Variants in BFSP2 observed in about 807,000 individuals in gnomAD.
BFSP2 encodes the protein beaded filament structural protein 2.
In BFSP2, 38 loss-of-function variants were observed where a neutral mutation model predicts 44.9. The observed-to-expected ratio is 0.85, with a 90% CI of 0.65 to 1.11. The LOEUF is 1.11. Ranked by LOEUF, BFSP2 falls within the 50% of genes least tolerant of loss-of-function variation. The probability of loss-of-function intolerance (pLI) is 0.00; values close to 1 mark genes in which losing one functional copy is unlikely to be tolerated. For missense variants in BFSP2, 525 were observed against 533.0 expected (o/e 0.99, Z 0.15); for synonymous variants, 197 against 209.9 (o/e 0.94, Z 0.53).
chr3:133,413,706 A>T (rs2073477779), intron 1 of BFSP2, among the ~76,000 whole-genome samples: 1 of 152,074 alleles, frequency 6.6e-6, no homozygotes, highest in African/African-American at 2.4e-5. Context: ...ATTATTCAGC[A>T]GAAACGAGAA....
At position 133,466,848 on chromosome 3, in the gene BFSP2, C is replaced by T. The variant is rs1479627838; in HGVS notation, c.912C>T (p.His304=). The change falls in exon 5 of 7, where the codon CAC becomes CAT. Residue 304 remains histidine (H), a synonymous_variant. Transcript: ENST00000302334. ...LQAKQQAEVA[H]MSQTQEEKLA... is the part of the protein sequence containing the mutation. ...CACAGCAACAGGCGGAGGTGGCCCA[C>T]ATGTCCCAGACCCAGGAGGAGAAGC... 6.2e-6 allele frequency: 10 copies of T among 1,613,794 alleles called. No homozygotes were observed. Among genetic ancestry groups the T allele is most frequent in the Non-Finnish European group, 7.6e-6 (9 of 1,179,962 alleles).
chr3:133,415,843 A>ACCCCTGCCCTCTCCCCTCTACTCC (rs2073520322), intron 1 of BFSP2, among the ~76,000 whole-genome samples: 1 of 89,524 alleles, frequency 1.1e-5, no homozygotes, highest in African/African-American at 4.6e-5. Context: ...CCCTCTACTC[A>ACCCCTGCCCTCTCCCCTCTACTCC]CCCCTGCCCT....
At chr3:133,450,513 C>T (rs753516071) in intron 4 of BFSP2, 49 bp downstream of exon 4, 2 of 1,606,616 alleles carry the variant, frequency 1.2e-6, no homozygotes, top group Non-Finnish European at 1.7e-6. Context: ...CAGAAGGAGG[C>T]CACGCTGAGC....
intron 4 of BFSP2, among the ~76,000 whole-genome samples, chr3:133,460,896 C>CGAGT (rs2074056354): frequency 6.6e-6 from 1 of 152,238 alleles, no homozygotes; most frequent in Non-Finnish European, 1.5e-5. Context: ...CCAGAGTGCT[C>CGAGT]GAGTGACTTG....
At chr3:133,409,089 T>C (rs944837039) in intron 1 of BFSP2, among the ~76,000 whole-genome samples, 1 of 152,262 alleles carries the variant, frequency 6.6e-6, no homozygotes, top group Non-Finnish European at 1.5e-5. Context: ...GAAGAAGAAC[T>C]ATTCCAAGTG....
chr3:133,453,530 C>A (rs2078262), intron 4 of BFSP2, among the ~76,000 whole-genome samples: 47,525 of 152,068 alleles, frequency 0.31, 8,080 homozygotes, highest in African/African-American at 0.46. Flanking sequence ...CAAAGAATGC[C>A]TAATCAAACC....
At chr3:133,453,721 C>A (rs1257827102) in intron 4 of BFSP2, among the ~76,000 whole-genome samples, 1 of 152,180 alleles carries the variant, frequency 6.6e-6, no homozygotes, top group Non-Finnish European at 1.5e-5. Context: ...CAAAAAGATG[C>A]AGAATCTGGC....
chr3:133,404,308 C>G (rs1559955582), intron 1 of BFSP2, among the ~76,000 whole-genome samples: 1 of 152,152 alleles, frequency 6.6e-6, no homozygotes. Context: ...CTCTGTCTCC[C>G]TACAACAGGT....
At chr3:133,464,573 C>T (rs2074092167) in intron 4 of BFSP2, among the ~76,000 whole-genome samples, 1 of 152,122 alleles carries the variant, frequency 6.6e-6, no homozygotes, top group Non-Finnish European at 1.5e-5. Context: ...TTCATAGTAG[C>T]ATTTAACTAT....
intron 1 of BFSP2, among the ~76,000 whole-genome samples, chr3:133,407,334 T>C (rs888877069): frequency 7.9e-5 from 12 of 152,220 alleles, no homozygotes; most frequent in Non-Finnish European, 1.2e-4. Flanking sequence ...CCAAAGTCTA[T>C]ATTAGACAAC....
At chr3:133,447,961 T>C (rs1408768259) in intron 2 of BFSP2, among the ~76,000 whole-genome samples, 1 of 152,212 alleles carries the variant, frequency 6.6e-6, no homozygotes, top group Non-Finnish European at 1.5e-5. Context: ...TGACTTAATG[T>C]GCATCCAGGC....
chr3:133,460,494 G>A (rs761403303), intron 4 of BFSP2, among the ~76,000 whole-genome samples: 59 of 152,326 alleles, frequency 3.9e-4, no homozygotes, highest in Middle Eastern at 3.4e-3. Context: ...CTGGCCTCAA[G>A]CAATCTTTCT....
intron 1 of BFSP2, among the ~76,000 whole-genome samples, chr3:133,427,705 C>T (rs73211865): frequency 3.3e-5 from 5 of 152,174 alleles, no homozygotes; most frequent in Non-Finnish European, 7.3e-5. Context: ...CTGTCCATTA[C>T]GTCCCACTGG....
rs2074175378 is a variant in BFSP2 at position 133,472,573 on chromosome 3, T to C, written c.1244+8T>C. Reference sequence around the variant, plus strand: ...GGACAGGGAGGAGAGCGGGTAAGCCTCGCTTCCGCGTCAATTATCCAAGAG... The same window carrying C: ...GGACAGGGAGGAGAGCGGGTAAGCCCCGCTTCCGCGTCAATTATCCAAGAG... On this transcript the variant is annotated splice_region_variant and intron_variant, in intron 6 of 6. Coordinates refer to ENST00000302334, the MANE Select transcript of BFSP2 (RefSeq NM_003571.4). 1.2e-6 allele frequency: 2 copies of C among 1,610,396 alleles called. No homozygotes were observed. Among genetic ancestry groups the C allele is most frequent in the Admixed American group, 1.7e-5 (1 of 59,660 alleles).
At chr3:133,417,651 T>C (rs1199605465) in intron 1 of BFSP2, among the ~76,000 whole-genome samples, 91 of 83,680 alleles carry the variant, frequency 1.1e-3, no homozygotes, top group East Asian at 1.2e-3. Flanking sequence ...CTTGTCCTCT[T>C]CCCTCTACTC....
chr3:133,430,529 T>A (rs1240253596), intron 1 of BFSP2, among the ~76,000 whole-genome samples: 4 of 152,158 alleles, frequency 2.6e-5, no homozygotes, highest in Non-Finnish European at 5.9e-5. Flanking sequence ...TTGACCCCAA[T>A]ACATACTCGA....
At chr3:133,427,212 C>T (rs2073662380) in intron 1 of BFSP2, among the ~76,000 whole-genome samples, 1 of 152,194 alleles carries the variant, frequency 6.6e-6, no homozygotes, top group Non-Finnish European at 1.5e-5. Context: ...TTCCAAGGAT[C>T]ATTTTGTGCA....
At chr3:133,402,129 A>G (rs2107872827) in intron 1 of BFSP2, among the ~76,000 whole-genome samples, 1 of 152,272 alleles carries the variant, frequency 6.6e-6, no homozygotes, top group Admixed American at 6.5e-5. Context: ...ACATCCCTAG[A>G]TACTCCAATA....
intron 1 of BFSP2, among the ~76,000 whole-genome samples, chr3:133,416,038 C>T (rs2107887937): frequency 1.5e-5 from 2 of 137,744 alleles, no homozygotes; most frequent in Middle Eastern, 4.4e-3. Context: ...TCACCCCTGT[C>T]CTCTCCTCTC....
Sources: allele counts gnomAD v4.1 joint callset (sites outside exome capture counted in the v4.1 genomes callset), GRCh38; gene constraint gnomAD v4.1.1; transcripts MANE v1.5; gene names NCBI Gene and HGNC (gene_info 2026-07-23, HGNC 2026-07-21).